Variants in SLC35F4 observed in about 807,000 individuals in gnomAD.
SLC35F4 encodes chromosome 14 open reading frame 36.
Under a neutral mutation model 44.2 loss-of-function variants are expected in SLC35F4, and 24 were observed. The ratio of observed to expected loss-of-function variants is 0.54; its 90% CI spans 0.39 to 0.76. The LOEUF is 0.76. SLC35F4 is among the 30% of genes least tolerant of loss of function. The pLI, the probability that SLC35F4 is intolerant of heterozygous loss-of-function variation, is 0.00. For missense variants in SLC35F4, 562 were observed against 586.1 expected, an observed-to-expected ratio of 0.96 and a Z score of 0.42; for synonymous variants, 238 against 223.6, an observed-to-expected ratio of 1.06 and a Z score of -0.57.
At chr14:57,727,865 G>T (rs1483204559) in intron 1 of SLC35F4, among the ~76,000 whole-genome samples, 1 of 152,170 alleles carries the variant, frequency 6.6e-6, no homozygotes, top group Non-Finnish European at 1.5e-5. Flanking sequence ...TGCAGCCATT[G>T]GATGAAATGT....
At chr14:57,828,114 C>T (rs1883980268) in intron 1 of SLC35F4, among the ~76,000 whole-genome samples, 1 of 152,162 alleles carries the variant, frequency 6.6e-6, no homozygotes, top group Non-Finnish European at 1.5e-5. Flanking sequence ...TTGCAATAAG[C>T]TCCAGTTGAG....
At chr14:57,672,132 G>T (rs1566748352) in intron 1 of SLC35F4, among the ~76,000 whole-genome samples, 1 of 152,152 alleles carries the variant, frequency 6.6e-6, no homozygotes, top group East Asian at 1.9e-4. Context: ...AACATATCAA[G>T]AACATTTTCT....
At chr14:57,587,194 C>T (rs1285804865) in intron 3 of SLC35F4, among the ~76,000 whole-genome samples, 1 of 152,126 alleles carries the variant, frequency 6.6e-6, no homozygotes, top group Non-Finnish European at 1.5e-5. Context: ...TTAGTTCAAC[C>T]ATTGTGGAAG....
chr14:57,875,661 A>C (rs1888384028), intron 1 of SLC35F4, among the ~76,000 whole-genome samples: 1 of 152,222 alleles, frequency 6.6e-6, no homozygotes, highest in Non-Finnish European at 1.5e-5. Flanking sequence ...TGACAGCAGC[A>C]AAATTCCAAG....
chr14:57,572,818 G>A (rs934705222), intron 4 of SLC35F4, among the ~76,000 whole-genome samples: 1 of 152,210 alleles, frequency 6.6e-6, no homozygotes, highest in African/African-American at 2.4e-5. Context: ...GTGAATTGCT[G>A]CTTTGTGTCA....
chr14:57,810,345 G>A (rs760194702), intron 1 of SLC35F4, among the ~76,000 whole-genome samples: 1 of 152,214 alleles, frequency 6.6e-6, no homozygotes, highest in Admixed American at 6.5e-5. Flanking sequence ...TAATAAGATA[G>A]TACTGTCCTT....
rs201623494 is a variant in SLC35F4, at chr14:57,932,079, T to C, written n.282+49834A>G. 3.3e-5 allele frequency among the ~76,000 whole-genome samples: 5 copies of C among 152,346 alleles called. No homozygotes were observed. The East Asian group carries it at 7.7e-4, about 23-fold the overall frequency. ...TGCTGACTTTGTTAGAAAATTCCTA[T>C]ATTTTATGGGGAATGTGTCCACCTT... On this transcript the variant is annotated intron_variant and non_coding_transcript_variant, in intron 1 of 1. Coordinates refer to the SLC35F4 transcript ENST00000556568.
intron 1 of SLC35F4, among the ~76,000 whole-genome samples, chr14:57,788,511 T>G (rs1451686924): frequency 6.6e-6 from 1 of 152,176 alleles, no homozygotes; most frequent in Non-Finnish European, 1.5e-5. Flanking sequence ...GACCATATGA[T>G]AGGCCATAAA....
chr14:57,670,050 T>C (rs2074460221), intron 1 of SLC35F4, among the ~76,000 whole-genome samples: 1 of 152,154 alleles, frequency 6.6e-6, no homozygotes, highest in Non-Finnish European at 1.5e-5. Context: ...CTTCCTGGTT[T>C]AGTCTTGGGA....
At chr14:57,892,791 C>T (rs1251260488) in intron 1 of SLC35F4, among the ~76,000 whole-genome samples, 2 of 152,028 alleles carry the variant, frequency 1.3e-5, no homozygotes, top group African/African-American at 2.4e-5. Context: ...ATGCATAGAG[C>T]CCAGGATCTC....
chr14:57,680,800 T>C (rs2074871092), intron 1 of SLC35F4, among the ~76,000 whole-genome samples: 1 of 152,028 alleles, frequency 6.6e-6, no homozygotes, highest in South Asian at 2.1e-4. Context: ...TACCTAGGAA[T>C]TCAACTTATA....
chr14:57,893,685 C>G (rs1041770663), intron 1 of SLC35F4, among the ~76,000 whole-genome samples: 5 of 152,180 alleles, frequency 3.3e-5, no homozygotes, highest in Non-Finnish European at 7.3e-5. Flanking sequence ...AACAGCCATA[C>G]CAGCAACAGA....
At chr14:57,693,746 C>A (rs1210595161) in intron 1 of SLC35F4, among the ~76,000 whole-genome samples, 1 of 152,150 alleles carries the variant, frequency 6.6e-6, no homozygotes, top group Non-Finnish European at 1.5e-5. Flanking sequence ...TCTTTAATTC[C>A]TCTAGCACCA....
intron 1 of SLC35F4, among the ~76,000 whole-genome samples, chr14:57,626,520 G>A (rs1391633446): frequency 6.6e-6 from 1 of 152,010 alleles, no homozygotes; most frequent in Non-Finnish European, 1.5e-5. Flanking sequence ...CTGAAATACT[G>A]TAAAACTATA....
chr14:57,611,088 T>C (rs1341494679), intron 1 of SLC35F4, among the ~76,000 whole-genome samples: 1 of 152,142 alleles, frequency 6.6e-6, no homozygotes, highest in Admixed American at 6.5e-5. Context: ...GGCTGAGGCA[T>C]AAACAGAGGA....
intron 1 of SLC35F4, among the ~76,000 whole-genome samples, chr14:57,766,976 A>C (rs1300610221): frequency 6.6e-6 from 1 of 152,202 alleles, no homozygotes; most frequent in Non-Finnish European, 1.5e-5. Flanking sequence ...ATATCTAATA[A>C]AGTGAATGAG....
intron 1 of SLC35F4, among the ~76,000 whole-genome samples, chr14:57,873,269 G>GAA (rs199741586): frequency 6.6e-6 from 1 of 151,748 alleles, no homozygotes; most frequent in African/African-American, 2.4e-5. Context: ...GTTGTGCTGT[G>GAA]AAAAAAACAA....
intron 1 of SLC35F4, among the ~76,000 whole-genome samples, chr14:57,943,341 T>C (rs575577779): frequency 6.6e-6 from 1 of 152,338 alleles, no homozygotes; most frequent in Non-Finnish European, 1.5e-5. Context: ...GGGATTCTTA[T>C]CCTATTTTTA....
chr14:57,749,424 C>G (rs924594949), intron 1 of SLC35F4, among the ~76,000 whole-genome samples: 42 of 152,036 alleles, frequency 2.8e-4, no homozygotes, highest in Admixed American at 2.8e-3. Flanking sequence ...AAAACAACGG[C>G]CAGTGCAGAA....
Sources: allele counts gnomAD v4.1 joint callset (sites outside exome capture counted in the v4.1 genomes callset), GRCh38; gene constraint gnomAD v4.1.1; transcripts MANE v1.5; gene names NCBI Gene and HGNC (gene_info 2026-07-23, HGNC 2026-07-21).